POC5: variants seen among roughly 807,000 people sequenced by gnomAD.
The protein encoded by POC5 is centrosomal protein POC5.
In POC5, 48 loss-of-function variants were observed where a neutral mutation model predicts 62.9. The observed-to-expected ratio is 0.76, with a 90% CI of 0.61 to 0.97. The LOEUF (loss-of-function observed/expected upper bound fraction) is 0.97, where lower values mean the gene tolerates loss of function less well. Ranked by LOEUF, POC5 falls within the 50% of genes least tolerant of loss-of-function variation. The pLI is 0.00. For missense variants in POC5, 696 were observed against 679.5 expected (o/e 1.02, Z -0.27); for synonymous variants, 236 against 228.2 (o/e 1.03, Z -0.31).
chr5:75,685,376 G>A lies in POC5; in HGVS notation c.1238C>T (p.Thr413Ile). The change falls in exon 10 of 12, where the codon ACA becomes ATA. Residue 413 changes from threonine to isoleucine, a missense_variant. By Grantham distance (89) the Thr-to-Ile change is moderately conservative. Transcript: ENST00000428202. ...PSAPPMPLPV[T>I]SPLLPSPPAA... is the part of the protein sequence containing the mutation. ...TGGTGGGGATGGCAGCAGTGGTGAT[G>A]TAACTGGTAAGGGCATCGGAGGAGC... 1 of 1,614,030 alleles carries A rather than the reference G, an allele frequency of 6.2e-7. No homozygotes were observed. The highest frequency in any genetic ancestry group is 8.5e-7 in the Non-Finnish European group (1 of 1,179,898).
At position 75,674,507 on chromosome 5, in the gene POC5, G is replaced by A; in HGVS notation, c.1656C>T (p.Ser552=). 1 of 1,613,934 alleles carries A rather than the reference G, an allele frequency of 6.2e-7. No individual in the cohort carries two copies. Residue 552 remains serine (S), a synonymous_variant, in exon 12 of 12, where the codon TCC becomes TCT. Transcript: ENST00000428202. ...GAGCTGATCTGGTTCCAAGTGATCT[G>A]GAAGCTGAGGTACTACTTTCAGGAT... ...TIHPESSTSA[S]RSLGTRSAHT... is the part of the protein sequence containing the mutation.
chr5:75,679,205 T>C (rs6894099), intron 10 of POC5, among the ~76,000 whole-genome samples: 11,419 of 152,212 alleles, frequency 0.075, 445 homozygotes, highest in South Asian at 0.11. Flanking sequence ...GCTTCCATGA[T>C]GAAACCAAAA....
chr5:75,678,447 T>C (rs1387600137), intron 10 of POC5, among the ~76,000 whole-genome samples: 3 of 152,132 alleles, frequency 2.0e-5, no homozygotes, highest in Non-Finnish European at 4.4e-5. Flanking sequence ...CGTGCCACCC[T>C]TGACAGTCAT....
intron 1 of POC5, among the ~76,000 whole-genome samples, chr5:75,715,930 T>C (rs1742511545): frequency 6.6e-6 from 1 of 152,088 alleles, no homozygotes; most frequent in Non-Finnish European, 1.5e-5. Flanking sequence ...AAAATAGAAT[T>C]AGATGCCAAA....
rs751969329 is a variant in POC5 at position 75,702,774 on chromosome 5, T to C, written c.344A>G (p.His115Arg). Residue 115 changes from histidine to arginine, a missense_variant, in exon 5 of 12, where the codon CAC becomes CGC. Coordinates refer to ENST00000428202, the MANE Select transcript of POC5 (RefSeq NM_001099271.2). ...SPVLSPRKPS[H>R]PVMDFFSSHL... is the part of the protein sequence containing the mutation. The stretch of plus-strand genomic sequence containing the variant: ...TGAACTGAAAAAATCCATGACTGGG[T>C]GAGAAGGCTTCCTTGGCGATAACAC... The C allele has an allele frequency of 3.1e-6, 5 of 1,590,062 alleles. No individual in the cohort carries two copies. The South Asian group carries it at 5.7e-5, about 18-fold the overall frequency.
In POC5 at chr5:75,685,344, C is replaced by T. The variant is rs547644586; in HGVS notation, c.1270G>A (p.Val424Ile). 2.1e-5 allele frequency: 34 copies of T among 1,613,994 alleles called. No homozygotes were observed. Among genetic ancestry groups the T allele is most frequent in the East Asian group, 1.3e-4 (6 of 44,884 alleles). Residue 424 changes from valine (V) to isoleucine (I), a missense_variant, in exon 10 of 12, where the codon GTC (valine) becomes ATC (isoleucine). Physicochemically the swap from Val to Ile is conservative, Grantham distance 29. Coordinates refer to ENST00000428202, the MANE Select transcript of POC5 (RefSeq NM_001099271.2). ...ACGGCAGTCGCGCTGGCTCCTCCGA[C>T]GGCGGCTGGTGGGGATGGCAGCAGT... Reference protein sequence around the residue: ...SPLLPSPPAAVGGASATAVPS... With the variant: ...SPLLPSPPAAIGGASATAVPS...
In POC5 at chr5:75,690,539, G is replaced by C; in HGVS notation, c.819C>G (p.Asp273Glu). 2 of 1,588,374 alleles carry C rather than the reference G, an allele frequency of 1.3e-6. No individual in the cohort carries two copies. Among genetic ancestry groups the C allele is most frequent in the Admixed American group, 1.8e-5 (1 of 56,168 alleles). The part of the protein sequence containing the change: ...RQDVYEGKLA[D>E]QYYQRTLLKK... ...TCAGTAAAGTTCTCTGGTAGTACTG[G>C]TCAGCTAGTTTACCTTCATAAACCT... is the stretch of plus-strand genomic sequence containing the variant. Residue 273 changes from aspartate to glutamate, a missense_variant, in exon 8 of 12, where the codon GAC (aspartate) becomes GAG (glutamate). Transcript: ENST00000428202.
intron 7 of POC5, among the ~76,000 whole-genome samples, chr5:75,691,972 CATTT>C (rs1294316736): frequency 1.3e-5 from 2 of 152,124 alleles, no homozygotes; most frequent in Non-Finnish European, 2.9e-5. Context: ...ACATAACAAA[CATTT>C]ATACTGTGAT....
Position 75,699,015 on chromosome 5 carries a change from C to G in POC5, c.513+3590G>C, listed in dbSNP as rs1233966079. ...CACATACACTCTCCCAAGACTAAAC[C>G]AGGAAGAAGTTGAATCTCTGAATAG... On this transcript the variant is annotated intron_variant, in intron 5 of 11. Transcript: ENST00000428202. Among the ~76,000 whole-genome samples, 4 of 151,798 alleles carry G rather than the reference C, an allele frequency of 2.6e-5. No homozygotes were observed. In the East Asian group the frequency reaches 7.7e-4, roughly 29 times the overall value.
chr5:75,694,548 C>G, intron 6 of POC5, 107 bp downstream of exon 6: 1 of 919,402 alleles, frequency 1.1e-6, no homozygotes, highest in Non-Finnish European at 1.5e-6. Context: ...CTGTCAGTTT[C>G]TGATAGAACC....
At chr5:75,692,701 C>T (rs1776394855) in intron 6 of POC5, among the ~76,000 whole-genome samples, 3 of 151,828 alleles carry the variant, frequency 2.0e-5, no homozygotes, top group Admixed American at 1.3e-4. Context: ...TGAAAGGGAA[C>T]AAAAGAAGAA....
chr5:75,701,250 G>A (rs1776866282), intron 5 of POC5, among the ~76,000 whole-genome samples: 1 of 141,038 alleles, frequency 7.1e-6, no homozygotes, highest in Non-Finnish European at 1.6e-5. Context: ...AAATCATGCG[G>A]CTATAAAGAC....
In POC5 at chr5:75,692,440, T is replaced by C; in HGVS notation, c.751A>G (p.Thr251Ala). 1 of 1,598,100 alleles carries C rather than the reference T, an allele frequency of 6.3e-7. No individual in the cohort carries two copies. Among genetic ancestry groups the C allele is most frequent in the Non-Finnish European group, 8.5e-7 (1 of 1,171,854 alleles). ...KQKEKIELMR[T>A]FFHWRIGHVR... ...TGGCCGATTCGCCAGTGGAAGAATGTTCTCATCAACTCTATCTTTTCCTTT... is the reference window on the plus strand; with the variant it reads ...TGGCCGATTCGCCAGTGGAAGAATGCTCTCATCAACTCTATCTTTTCCTTT... The change falls in exon 7 of 12, where the codon ACA (threonine) becomes GCA (alanine). Residue 251 changes from threonine to alanine, a missense_variant. Coordinates refer to ENST00000428202, the MANE Select transcript of POC5 (RefSeq NM_001099271.2).
chr5:75,686,657 T>C (rs116881982), intron 9 of POC5, among the ~76,000 whole-genome samples: 1,678 of 152,308 alleles, frequency 0.011, 71 homozygotes, highest in Admixed American at 0.079. Flanking sequence ...TTAGGAGATG[T>C]AGAAACAGTA....
chr5:75,676,848 AT>A (rs1248685768), intron 11 of POC5, among the ~76,000 whole-genome samples: 9 of 80,868 alleles, frequency 1.1e-4, no homozygotes, highest in South Asian at 9.5e-4. Context: ...TAAATAAAAA[AT>A]AAATAAATAA....
chr5:75,710,028 G>A (rs1418993081), intron 2 of POC5, among the ~76,000 whole-genome samples: 2 of 152,156 alleles, frequency 1.3e-5, no homozygotes, highest in African/African-American at 4.8e-5. Context: ...CCTTAAAAAC[G>A]AAGCTGCTTC....
intron 2 of POC5, among the ~76,000 whole-genome samples, chr5:75,711,495 ATATT>A (rs755875000): frequency 2.0e-5 from 3 of 152,244 alleles, no homozygotes; most frequent in Non-Finnish European, 4.4e-5. Context: ...CTTAAGAGGA[ATATT>A]TATTTATGAG....
At chr5:75,685,148 T>C (rs1776046979) in intron 10 of POC5, 59 bp downstream of exon 10, 2 of 1,520,370 alleles carry the variant, frequency 1.3e-6, no homozygotes, top group Non-Finnish European at 1.8e-6. Context: ...ATTACAGGTG[T>C]GAGCCACTGG....
intron 7 of POC5, among the ~76,000 whole-genome samples, chr5:75,691,621 T>A (rs536361917): frequency 3.3e-5 from 5 of 152,308 alleles, no homozygotes; most frequent in African/African-American, 1.2e-4. Flanking sequence ...ATACTCAACC[T>A]GTACTAGCTT....
Sources: gnomAD v4.1 joint callset for allele counts (sites outside exome capture counted in the v4.1 genomes callset) on GRCh38, gnomAD v4.1.1 for gene constraint, MANE v1.5 for transcripts, NCBI Gene and HGNC (gene_info 2026-07-23, HGNC 2026-07-21) for gene names.